CADPS: variants seen among roughly 807,000 people sequenced by gnomAD.
The protein encoded by CADPS is calcium dependent secretion activator.
A neutral mutation model predicts 167.3 loss-of-function variants in CADPS; 57 were observed. The observed-to-expected ratio is 0.34, with a 90% confidence interval of 0.28 to 0.42. The LOEUF (loss-of-function observed/expected upper bound fraction) is 0.42, where lower values mean the gene tolerates loss of function less well. Ranked by LOEUF, CADPS falls within the 20% of genes least tolerant of loss-of-function variation. CADPS has a pLI of 1.00. For missense variants in CADPS, 1,414 were observed against 1,738.1 expected (o/e 0.81, Z 3.32); for synonymous variants, 676 against 635.3 (o/e 1.06, Z -0.96).
At chr3:62,480,324 A>T (rs1468995928) in intron 22 of CADPS, among the ~76,000 whole-genome samples, 1 of 152,182 alleles carries the variant, frequency 6.6e-6, no homozygotes, top group Non-Finnish European at 1.5e-5. Context: ...AAGCTTTCTG[A>T]TATTTTTAAA....
chr3:62,536,481 A>C lies in CADPS; in HGVS notation c.2067T>G (p.Thr689=), dbSNP rs2074711330. ...ASLFEMVQRL[T]LDHRLNDSYS... is the part of the protein sequence containing the mutation. ...AGGAATCATTAAGTCTGTGATCCAA[A>C]GTAAGGCGTTGTACCATCTCAAAGA... Residue 689 remains threonine, a synonymous_variant, in exon 12 of 30, where the codon ACT becomes ACG. Transcript: ENST00000383710. 2 of 1,613,354 alleles carry C rather than the reference A, an allele frequency of 1.2e-6. No individual in the cohort carries two copies. Among genetic ancestry groups the C allele is most frequent in the African/African-American group, 2.7e-5 (2 of 74,898 alleles).
At chr3:62,853,293 T>C (rs2078990403) in intron 1 of CADPS, among the ~76,000 whole-genome samples, 1 of 152,166 alleles carries the variant, frequency 6.6e-6, no homozygotes, top group South Asian at 2.1e-4. Flanking sequence ...TTTCAGTCTT[T>C]ATGGCCTATG....
chr3:62,866,066 T>C (rs2081618351), intron 1 of CADPS, among the ~76,000 whole-genome samples: 2 of 152,144 alleles, frequency 1.3e-5, no homozygotes, highest in Non-Finnish European at 2.9e-5. Flanking sequence ...TTTTAATGTT[T>C]GATCACTTAA....
chr3:62,871,629 T>C (rs1336723714), intron 1 of CADPS, among the ~76,000 whole-genome samples: 3 of 152,172 alleles, frequency 2.0e-5, no homozygotes, highest in Admixed American at 6.5e-5. Context: ...TTTCCAAGTC[T>C]CAGTTTTTTA....
chr3:62,728,741 G>T (rs1458651664), intron 3 of CADPS, among the ~76,000 whole-genome samples: 2 of 152,082 alleles, frequency 1.3e-5, no homozygotes, highest in Non-Finnish European at 2.9e-5. Context: ...AAAGGAAGAA[G>T]AAAGTGAAAC....
At chr3:62,618,014 C>T (rs988411333) in intron 6 of CADPS, among the ~76,000 whole-genome samples, 11 of 152,134 alleles carry the variant, frequency 7.2e-5, no homozygotes, top group Admixed American at 5.9e-4. Flanking sequence ...GACAGGTGGT[C>T]GTTCTTGACA....
In CADPS at chr3:62,557,522, G is replaced by C; in HGVS notation, c.1645-9C>G. ...AACGTGTACTGACTGACCTGTTAAGGAAAAGCAGATTGTGAGGTTGACCCC... is the reference window on the plus strand; with the variant it reads ...AACGTGTACTGACTGACCTGTTAAGCAAAAGCAGATTGTGAGGTTGACCCC... On this transcript the variant is annotated splice_polypyrimidine_tract_variant and intron_variant, in intron 9 of 29. Coordinates refer to ENST00000383710, the MANE Select transcript of CADPS (RefSeq NM_003716.4). 6.2e-7 allele frequency: 1 copy of C among 1,607,940 alleles called. No homozygotes were observed. The highest frequency in any genetic ancestry group is 2.2e-5 in the East Asian group (1 of 44,838).
intron 26 of CADPS, among the ~76,000 whole-genome samples, chr3:62,462,667 G>A (rs1166604870): frequency 2.0e-5 from 3 of 152,160 alleles, no homozygotes; most frequent in Non-Finnish European, 2.9e-5. Context: ...CCAGAGCGTC[G>A]GCACTATCTC....
chr3:62,411,518 T>C (rs2048958970), intron 28 of CADPS, among the ~76,000 whole-genome samples: 1 of 152,248 alleles, frequency 6.6e-6, no homozygotes, highest in Non-Finnish European at 1.5e-5. Context: ...TGTTTGAAGC[T>C]TTCAATGCGT....
intron 6 of CADPS, among the ~76,000 whole-genome samples, chr3:62,609,072 G>A (rs763170085): frequency 5.9e-5 from 9 of 152,190 alleles, no homozygotes; most frequent in Middle Eastern, 3.4e-3. Context: ...AGAACCAATC[G>A]CTCACCCCTG....
chr3:62,772,314 C>T lies in CADPS; in HGVS notation c.442-6330G>A, dbSNP rs1298249570. Among the ~76,000 whole-genome samples, 4 of 152,214 alleles carry T rather than the reference C, an allele frequency of 2.6e-5. No individual in the cohort carries two copies. The East Asian group carries it at 5.8e-4, about 22-fold the overall frequency. ...TAGAGGCTGGAAAGCCAATTACTCC[C>T]TTCCCAGTTTCGCTTGCTATTATGG... On this transcript the variant is annotated intron_variant, in intron 1 of 29. Coordinates refer to ENST00000383710, the MANE Select transcript of CADPS (RefSeq NM_003716.4).
chr3:62,446,806 G>C lies in CADPS; in HGVS notation c.3637-1009C>G. Reference sequence around the variant, plus strand: ...GACTCAGGTCACACATGTTTCTCTAGGCACAATTAAGACTAAGGAGCTACA... The same window carrying C: ...GACTCAGGTCACACATGTTTCTCTACGCACAATTAAGACTAAGGAGCTACA... On this transcript the variant is annotated intron_variant, in intron 26 of 29. Transcript: ENST00000383710. This position sits in a 1 kb window ranked among gnomAD's most constrained non-coding sequence, Gnocchi z 4.9. 6.6e-6 allele frequency among the ~76,000 whole-genome samples: 1 copy of C among 152,118 alleles called. No homozygotes were observed. Among genetic ancestry groups the C allele is most frequent in the East Asian group, 1.9e-4 (1 of 5,186 alleles).
At chr3:62,451,708 T>C (rs2058078174) in intron 26 of CADPS, among the ~76,000 whole-genome samples, 1 of 152,188 alleles carries the variant, frequency 6.6e-6, no homozygotes, top group Non-Finnish European at 1.5e-5. Flanking sequence ...AGTTAATTTT[T>C]TTTGTCCTTT....
chr3:62,639,937 A>T (rs2067094450), intron 6 of CADPS, among the ~76,000 whole-genome samples: 1 of 152,082 alleles, frequency 6.6e-6, no homozygotes, highest in South Asian at 2.1e-4. Context: ...ACTACTTTCT[A>T]TCACAGCAGC....
intron 10 of CADPS, among the ~76,000 whole-genome samples, chr3:62,552,124 G>A (rs2077404261): frequency 6.6e-6 from 1 of 151,096 alleles, no homozygotes; most frequent in Admixed American, 6.6e-5. Context: ...CAGTTCTCAA[G>A]GTTAAAATTT....
chr3:62,584,504 G>A (rs937106395), intron 8 of CADPS, among the ~76,000 whole-genome samples: 3 of 152,150 alleles, frequency 2.0e-5, no homozygotes, highest in Non-Finnish European at 4.4e-5. Context: ...AGAGTTACAC[G>A]ATTATCATGT....
intron 6 of CADPS, among the ~76,000 whole-genome samples, chr3:62,617,197 A>C (rs2062452587): frequency 6.6e-6 from 1 of 152,174 alleles, no homozygotes; most frequent in African/African-American, 2.4e-5. Flanking sequence ...AGTTCAAGAA[A>C]TGTCCCAAGT....
At chr3:62,493,568 G>C (rs1458712598) in intron 19 of CADPS, 77 bp downstream of exon 19, 4 of 1,087,532 alleles carry the variant, frequency 3.7e-6, no homozygotes, top group African/African-American at 3.2e-5. Context: ...TTAGTTATTA[G>C]AGGGATATTC....
chr3:62,813,101 T>TA lies in CADPS; in HGVS notation c.442-47118dup, dbSNP rs951730331. Among the ~76,000 whole-genome samples the TA allele has an allele frequency of 1.3e-3, 202 of 151,414 alleles. 1 individual carries two copies. Among genetic ancestry groups the TA allele is most frequent in the Middle Eastern group, 6.8e-3 (2 of 294 alleles). On this transcript the variant is annotated intron_variant, in intron 1 of 29. Coordinates refer to ENST00000383710, the MANE Select transcript of CADPS (RefSeq NM_003716.4). ...TTACCAAAGCCATTTTTTACAGAAT[T>TA]AAAAAAAAACTATTTTAAAATCTAT...
Sources: gnomAD v4.1 joint callset for allele counts (sites outside exome capture counted in the v4.1 genomes callset) on GRCh38, gnomAD v4.1.1 for gene constraint, Gnocchi (gnomAD v3.1) non-coding constraint, MANE v1.5 for transcripts, NCBI Gene and HGNC (gene_info 2026-07-23, HGNC 2026-07-21) for gene names.